Variants in SLC7A2 observed in about 807,000 individuals in gnomAD.
SLC7A2 encodes the protein cationic amino acid transporter 2.
Under a neutral mutation model 58.9 loss-of-function variants are expected in SLC7A2, and 48 were observed. The observed-to-expected ratio is 0.82, with a 90% confidence interval of 0.65 to 1.04. SLC7A2 has a LOEUF of 1.04. Ranked by LOEUF, SLC7A2 falls within the 50% of genes least tolerant of loss-of-function variation. The probability of loss-of-function intolerance (pLI) is 0.00; values close to 1 mark genes in which losing one functional copy is unlikely to be tolerated. For synonymous variants in SLC7A2, 363 were observed against 314.5 expected (o/e 1.15, Z -1.63); for missense variants, 1,029 against 818.8 (o/e 1.26, Z -3.13).
chr8:17,533,958 C>A (rs921438737), intron 2 of SLC7A2, among the ~76,000 whole-genome samples: 7 of 152,142 alleles, frequency 4.6e-5, no homozygotes, highest in African/African-American at 1.7e-4. Context: ...TGTTCCCCTC[C>A]CTATGTCCAT....
Position 17,554,681 on chromosome 8 carries a change from T to C in SLC7A2, c.1177T>C (p.Ser393Pro). The change falls in exon 8 of 13, where the codon TCA (serine) becomes CCA (proline). Residue 393 changes from serine to proline, a missense_variant. Transcript: ENST00000494857. ...GAAGACACCAATAATTGCTACTTTA[T>C]CATCGGGTGCAGTGGCAGGTGAGAG... ...KTKTPIIATL[S>P]SGAVAALMAF... 6.2e-7 allele frequency: 1 copy of C among 1,611,976 alleles called. No homozygotes were observed. The highest frequency in any genetic ancestry group is 1.1e-5 in the South Asian group (1 of 90,436).
At chr8:17,543,255 T>A in intron 2 of SLC7A2, 63 bp from the exon 3 acceptor site, 12 of 1,453,894 alleles carry the variant, frequency 8.3e-6, no homozygotes, top group Non-Finnish European at 1.0e-5. Flanking sequence ...GCCTGGAAGC[T>A]AGGTTACCAA....
At chr8:17,545,182 A>G (rs1802104472) in intron 4 of SLC7A2, among the ~76,000 whole-genome samples, 1 of 152,160 alleles carries the variant, frequency 6.6e-6, no homozygotes, top group Non-Finnish European at 1.5e-5. Context: ...TCTAATAACC[A>G]CATTTCAATC....
chr8:17,534,190 G>A (rs763518170), intron 2 of SLC7A2, among the ~76,000 whole-genome samples: 26 of 152,078 alleles, frequency 1.7e-4, no homozygotes, highest in Non-Finnish European at 2.9e-4. Flanking sequence ...ATTTAAAAAG[G>A]GCAGCAGGAA....
chr8:17,525,602 G>T (rs1313521943), intron 2 of SLC7A2, among the ~76,000 whole-genome samples: 1 of 152,144 alleles, frequency 6.6e-6, no homozygotes, highest in Non-Finnish European at 1.5e-5. Context: ...GTTTGCTAGG[G>T]TTTTAATTTG....
At chr8:17,540,263 A>G (rs112631277) in intron 2 of SLC7A2, among the ~76,000 whole-genome samples, 5 of 152,286 alleles carry the variant, frequency 3.3e-5, no homozygotes, top group African/African-American at 9.6e-5. Context: ...GGCTTTTGCA[A>G]TCCGTATTTT....
intron 1 of SLC7A2, among the ~76,000 whole-genome samples, chr8:17,501,969 G>T (rs1467061705): frequency 2.6e-5 from 4 of 151,410 alleles, no homozygotes; most frequent in Non-Finnish European, 4.4e-5. Flanking sequence ...TATGTCCCTT[G>T]TTGATTCTTA....
In SLC7A2 at chr8:17,560,325, T is replaced by C; in HGVS notation, c.1299-3T>C. 6.2e-7 allele frequency: 1 copy of C among 1,611,974 alleles called. No homozygotes were observed. Among genetic ancestry groups the C allele is most frequent in the Non-Finnish European group, 8.5e-7 (1 of 1,178,072 alleles). Reference sequence around the variant, plus strand: ...AAAGACATAGATGTTTGTTTGGAAATAGGTACCAGCCTGGCTTATCTTACG... The same window carrying C: ...AAAGACATAGATGTTTGTTTGGAAACAGGTACCAGCCTGGCTTATCTTACG... On this transcript the variant is annotated splice_polypyrimidine_tract_variant and splice_region_variant and intron_variant, in intron 9 of 12. Coordinates refer to ENST00000494857, the MANE Select transcript of SLC7A2 (RefSeq NM_001370338.1).
At chr8:17,524,142 T>A (rs1801126842) in intron 2 of SLC7A2, among the ~76,000 whole-genome samples, 1 of 152,130 alleles carries the variant, frequency 6.6e-6, no homozygotes, top group African/African-American at 2.4e-5. Flanking sequence ...GGGAATACTT[T>A]TACACTGTTG....
At chr8:17,501,199 A>G (rs1800146468) in intron 1 of SLC7A2, among the ~76,000 whole-genome samples, 1 of 152,120 alleles carries the variant, frequency 6.6e-6, no homozygotes, top group East Asian at 2.0e-4. Context: ...ATTTTAGTAT[A>G]GATGGGGTTT....
At chr8:17,551,134 A>G (rs186137599) in intron 6 of SLC7A2, among the ~76,000 whole-genome samples, 8 of 152,336 alleles carry the variant, frequency 5.3e-5, no homozygotes, top group Admixed American at 2.0e-4. Flanking sequence ...CTGCTATTCT[A>G]TCGCTGAACA....
rs73666187 is a variant in SLC7A2, at chr8:17,558,583, A to T, written c.1298+186A>T. ...GGTCTTTAGCAAAGAATCAAATGCA[A>T]GTTGACCATGAGTGATAGGTTGGCC... On this transcript the variant is annotated intron_variant, in intron 9 of 12. Coordinates refer to ENST00000494857, the MANE Select transcript of SLC7A2 (RefSeq NM_001370338.1). Among the ~76,000 whole-genome samples the T allele has an allele frequency of 5.2e-3, 791 of 152,340 alleles. 7 individuals carry two copies. Among genetic ancestry groups the T allele is most frequent in the African/African-American group, 0.018 (742 of 41,572 alleles).
chr8:17,545,619 A>G (rs964193984), intron 4 of SLC7A2, among the ~76,000 whole-genome samples: 1 of 151,614 alleles, frequency 6.6e-6, no homozygotes, highest in Non-Finnish European at 1.5e-5. Context: ...GCTGGTCTCA[A>G]ACTCCTGACC....
chr8:17,561,335 C>T (rs1276680935), intron 10 of SLC7A2, among the ~76,000 whole-genome samples: 1 of 152,152 alleles, frequency 6.6e-6, no homozygotes, highest in Non-Finnish European at 1.5e-5. Flanking sequence ...CACATCTTAA[C>T]ATGGCAGCAG....
chr8:17,514,396 G>A (rs942737352), intron 2 of SLC7A2, among the ~76,000 whole-genome samples: 2 of 152,118 alleles, frequency 1.3e-5, no homozygotes, highest in Admixed American at 6.5e-5. Flanking sequence ...CAGAAAACCC[G>A]TGTTTTTATT....
intron 2 of SLC7A2, among the ~76,000 whole-genome samples, chr8:17,533,684 C>G (rs1373261841): frequency 2.6e-5 from 4 of 152,204 alleles, no homozygotes; most frequent in Non-Finnish European, 5.9e-5. Flanking sequence ...CTGGTCCATG[C>G]ACATACTTCT....
upstream of SLC7A2, among the ~76,000 whole-genome samples, chr8:17,495,704 C>A (rs982921480): frequency 1.3e-5 from 2 of 152,200 alleles, no homozygotes; most frequent in African/African-American, 4.8e-5. Flanking sequence ...CGCCCGCCGC[C>A]GCGCCCGGCT....
rs2299565 is a variant in SLC7A2 at position 17,539,531 on chromosome 8, T to C, written c.-22-3787T>C. Among the ~76,000 whole-genome samples the C allele has an allele frequency of 5.9e-5, 9 of 152,306 alleles. No homozygotes were observed. In the East Asian group the frequency reaches 1.7e-3, roughly 29 times the overall value. The stretch of plus-strand genomic sequence containing the variant: ...CAGCAATTAATAAAATAATTGCTTA[T>C]TGAAGAAAGATATCTGTTTCTGGTA... On this transcript the variant is annotated intron_variant, in intron 2 of 12. Coordinates refer to ENST00000494857, the MANE Select transcript of SLC7A2 (RefSeq NM_001370338.1).
chr8:17,540,188 C>G (rs1025971462), intron 2 of SLC7A2, among the ~76,000 whole-genome samples: 3 of 152,080 alleles, frequency 2.0e-5, no homozygotes, highest in Non-Finnish European at 2.9e-5. Flanking sequence ...TAAATTGACC[C>G]AATATGTTTT....
Sources: allele counts gnomAD v4.1 joint callset (sites outside exome capture counted in the v4.1 genomes callset), GRCh38; gene constraint gnomAD v4.1.1; transcripts MANE v1.5; gene names NCBI Gene and HGNC (gene_info 2026-07-23, HGNC 2026-07-21).